The following FGF8 variants were observed in gnomAD, a reference collection of about 807,000 sequenced individuals.
FGF8 encodes androgen-induced growth factor.
FGF8 carries 12 observed loss-of-function variants against 29.7 expected under a neutral mutation model. The ratio of observed to expected loss-of-function variants is 0.40; its 90% CI spans 0.26 to 0.65. FGF8 has a LOEUF of 0.65. Ranked by LOEUF, FGF8 falls within the 30% of genes least tolerant of loss-of-function variation. The pLI, the probability that FGF8 is intolerant of heterozygous loss-of-function variation, is 0.37. For missense variants in FGF8, 271 were observed against 345.1 expected, an observed-to-expected ratio of 0.79 and a Z score of 1.70; for synonymous variants, 157 against 144.4, an observed-to-expected ratio of 1.09 and a Z score of -0.63.
At position 101,775,887 on chromosome 10, in the gene FGF8, C is replaced by G. The variant is rs1170351413; in HGVS notation, c.14G>C (p.Arg5Pro). 1.5e-6 allele frequency: 2 copies of G among 1,351,634 alleles called. No homozygotes were observed. Among genetic ancestry groups the G allele is most frequent in the East Asian group, 3.1e-5 (1 of 31,938 alleles). The allele number at this position is 1,351,634 out of a possible 1,614,324, so 83.7% of individuals were successfully genotyped here. Residue 5 changes from arginine to proline, a missense_variant, in exon 1 of 6, where the codon CGC becomes CCC. This residue lies in a region of FGF8 where 168 missense variants were observed against 207.0 expected (regional missense o/e 0.81). Transcript: ENST00000320185. This position sits in a 1 kb window ranked among gnomAD's most constrained non-coding sequence, Gnocchi z 4.6. MGSP[R>P]SALSCLLLHL... Reference sequence around the variant, plus strand: ...TACTCACAGGCAGCTCAGCGCGGAGCGGGGGCTGCCCATGGCGCGCGGCCC... The same window carrying G: ...TACTCACAGGCAGCTCAGCGCGGAGGGGGGGCTGCCCATGGCGCGCGGCCC...
intron 4 of FGF8, among the ~76,000 whole-genome samples, chr10:101,774,392 T>A (rs1310344601): frequency 6.6e-6 from 1 of 152,220 alleles, no homozygotes; most frequent in African/African-American, 2.4e-5. Flanking sequence ...TTGTGGGCCC[T>A]GGCGACATAT....
chr10:101,779,114 C>G (rs555350391), upstream of FGF8, among the ~76,000 whole-genome samples: 4 of 152,304 alleles, frequency 2.6e-5, no homozygotes, highest in South Asian at 8.3e-4. This position sits in a 1 kb window ranked among gnomAD's most constrained non-coding sequence, Gnocchi z 5.7. Flanking sequence ...CCCAGACACA[C>G]TACTTCAGCC....
chr10:101,777,268 C>T (rs2065106765), upstream of FGF8, among the ~76,000 whole-genome samples: 1 of 152,160 alleles, frequency 6.6e-6, no homozygotes, highest in South Asian at 2.1e-4. Flanking sequence ...CCTGGGTGGA[C>T]AGAGATGCTC....
At chr10:101,779,701 CGCAGGGG>C (rs1455817253), upstream of FGF8, among the ~76,000 whole-genome samples, 2 of 152,034 alleles carry the variant, frequency 1.3e-5, no homozygotes, top group East Asian at 3.9e-4. This position sits in a 1 kb window ranked among gnomAD's most constrained non-coding sequence, Gnocchi z 5.7. Flanking sequence ...GGCGGAGCCG[CGCAGGGG>C]GTAGATGGGT....
At position 101,774,717 on chromosome 10, in the gene FGF8, T is replaced by C. The variant is rs779025548; in HGVS notation, c.337+15A>G. 3.7e-6 allele frequency: 6 copies of C among 1,600,664 alleles called. No homozygotes were observed. The highest frequency in any genetic ancestry group is 2.5e-6 in the Non-Finnish European group (3 of 1,179,048). ...GGCGCCGCGCATCCCACAAGCTACC[T>C]TCAGCGCGCCTTACCGAAGGGGTCG... On this transcript the variant is annotated intron_variant, in intron 4 of 5. Transcript: ENST00000320185.
Position 101,771,354 on chromosome 10 carries a change from C to T in FGF8, c.444+109G>A. On this transcript the variant is annotated intron_variant, in intron 5 of 5. Transcript: ENST00000320185. The surrounding 1 kb of genome is among the most constrained non-coding windows in gnomAD (Gnocchi z 5.3). ...GGTAACCCCAAGATGGCCCTGTGGC[C>T]TTCTGCCTACCTTGTTGGGATCAGA... is the stretch of plus-strand genomic sequence containing the variant. 2.4e-6 allele frequency: 2 copies of T among 828,598 alleles called. No individual in the cohort carries two copies. Among genetic ancestry groups the T allele is most frequent in the Middle Eastern group, 4.7e-4 (2 of 4,252 alleles). The allele number at this position is 828,598 out of a possible 1,614,324, so 51.3% of individuals were successfully genotyped here. A position where few individuals can be genotyped will look rare whatever the true frequency, so the allele number is the denominator to read the frequency against.
At chr10:101,774,175 C>T (rs532641405) in intron 4 of FGF8, among the ~76,000 whole-genome samples, 12 of 152,332 alleles carry the variant, frequency 7.9e-5, no homozygotes, top group African/African-American at 2.4e-4. Flanking sequence ...AGTAGCTCTC[C>T]GCACTTGCCA....
rs757575183 is a variant in FGF8, at chr10:101,770,666, G to A, written c.445-47C>T. 11 of 1,597,296 alleles carry A rather than the reference G, an allele frequency of 6.9e-6. No homozygotes were observed. In the African/African-American group the frequency reaches 1.5e-4, roughly 21 times the overall value. ...ACCACGTTACAGAGCCCCCCCAGCA[G>A]AGGCAGAGGGCGAGCGGCCCCAGAC... On this transcript the variant is annotated intron_variant, in intron 5 of 5. Coordinates refer to ENST00000320185, the MANE Select transcript of FGF8 (RefSeq NM_033163.5).
At position 101,772,401 on chromosome 10, in the gene FGF8, G is replaced by C. The variant is rs1315276987; in HGVS notation, c.338-832C>G. Among the ~76,000 whole-genome samples the C allele has an allele frequency of 6.6e-6, 1 of 152,156 alleles. No individual in the cohort carries two copies. The highest frequency in any genetic ancestry group is 1.5e-5 in the Non-Finnish European group (1 of 68,014). On this transcript the variant is annotated intron_variant, in intron 4 of 5. Coordinates refer to ENST00000320185, the MANE Select transcript of FGF8 (RefSeq NM_033163.5). This position sits in a 1 kb window ranked among gnomAD's most constrained non-coding sequence, Gnocchi z 4.4. ...GGAGGAGGGAGAATCCTGCCTGCTG[G>C]CCTCTTAGACTGGAGGCCAGGAGGC... is the stretch of plus-strand genomic sequence containing the variant.
At chr10:101,776,706 C>T (rs550288096), upstream of FGF8, among the ~76,000 whole-genome samples, 38 of 152,228 alleles carry the variant, frequency 2.5e-4, no homozygotes, top group African/African-American at 8.7e-4. Flanking sequence ...CGGTGCCACC[C>T]GGACCCCGCT....
rs1194673781 is a variant in FGF8, at chr10:101,775,713, C to T, written c.69+27G>A. ...CCGGGTCTCACACCGGCGCGCCCGG[C>T]CCCCGCCTCCGCGCACCCCTCCTCA... On this transcript the variant is annotated intron_variant, in intron 2 of 5. Transcript: ENST00000320185. This position sits in a 1 kb window ranked among gnomAD's most constrained non-coding sequence, Gnocchi z 4.6. 1.9e-6 allele frequency: 3 copies of T among 1,541,136 alleles called. No homozygotes were observed. Among genetic ancestry groups the T allele is most frequent in the African/African-American group, 1.4e-5 (1 of 72,692 alleles).
Position 101,775,304 on chromosome 10 carries a change from G to C in FGF8, c.70-88C>G. The stretch of plus-strand genomic sequence containing the variant: ...GACAAATTTACGGAGCAAATGTTGA[G>C]AGTGCAGGGAACCTGGGCACCCGAT... On this transcript the variant is annotated intron_variant, in intron 2 of 5. Transcript: ENST00000320185. The surrounding 1 kb of genome is among the most constrained non-coding windows in gnomAD (Gnocchi z 4.6). 1.0e-6 allele frequency: 1 copy of C among 973,902 alleles called. No individual in the cohort carries two copies. The highest frequency in any genetic ancestry group is 1.6e-6 in the Non-Finnish European group (1 of 636,100). 60.3% of individuals were successfully genotyped at this position (973,902 alleles called of 1,614,324 possible). A position where few individuals can be genotyped will look rare whatever the true frequency, so the allele number is the denominator to read the frequency against.
At chr10:101,777,503 A>G (rs2065108990), upstream of FGF8, among the ~76,000 whole-genome samples, 1 of 152,206 alleles carries the variant, frequency 6.6e-6, no homozygotes, top group African/African-American at 2.4e-5. Flanking sequence ...CCTGTGCCCC[A>G]TCTTTCCAAC....
chr10:101,770,164 A>C lies in FGF8; in HGVS notation c.*165T>G, dbSNP rs1230329301. The stretch of plus-strand genomic sequence containing the variant: ...TTTAAAAAAAAAAAAAAAAAAAAAA[A>C]CAGCAAAAACCCAACAGCAAACAAT... On this transcript the variant is annotated 3_prime_UTR_variant, in exon 6 of 6. Coordinates refer to ENST00000320185, the MANE Select transcript of FGF8 (RefSeq NM_033163.5). 30 of 537,540 alleles carry C rather than the reference A, an allele frequency of 5.6e-5. No individual in the cohort carries two copies. The Admixed American group carries it at 1.0e-3, about 19-fold the overall frequency. 33.3% of individuals were successfully genotyped at this position (537,540 alleles called of 1,614,324 possible).
Position 101,771,956 on chromosome 10 carries a change from G to A in FGF8, c.338-387C>T, listed in dbSNP as rs993968564. Reference sequence around the variant, plus strand: ...TTCCATAGCTAATCAAAAGATCTCCGAGGATCCTTCCAACTCCAAATATTA... The same window carrying A: ...TTCCATAGCTAATCAAAAGATCTCCAAGGATCCTTCCAACTCCAAATATTA... On this transcript the variant is annotated intron_variant, in intron 4 of 5. Coordinates refer to ENST00000320185, the MANE Select transcript of FGF8 (RefSeq NM_033163.5). This position sits in a 1 kb window ranked among gnomAD's most constrained non-coding sequence, Gnocchi z 5.3. Among the ~76,000 whole-genome samples, 8 of 152,220 alleles carry A rather than the reference G, an allele frequency of 5.3e-5. No homozygotes were observed. The highest frequency in any genetic ancestry group is 1.2e-4 in the African/African-American group (5 of 41,456).
At chr10:101,780,308 G>C (rs1368644435), upstream of FGF8, 1 of 152,312 alleles carries the variant, frequency 6.6e-6, no homozygotes, top group Non-Finnish European at 1.5e-5. Context: ...CGGGCTGGGG[G>C]AGAACCTCCT....
rs952004334 is a variant in FGF8, at chr10:101,775,006, C to A, written c.157-94G>T. On this transcript the variant is annotated intron_variant, in intron 3 of 5. Coordinates refer to ENST00000320185, the MANE Select transcript of FGF8 (RefSeq NM_033163.5). This position sits in a 1 kb window ranked among gnomAD's most constrained non-coding sequence, Gnocchi z 4.6. ...CATCACCCTGCGTCCCCCTCACTGC[C>A]CCAAGCCGCCAGCAGGTGCTGGGGG... 3.9e-6 allele frequency: 6 copies of A among 1,529,074 alleles called. No individual in the cohort carries two copies. Among genetic ancestry groups the A allele is most frequent in the Non-Finnish European group, 5.4e-6 (6 of 1,115,670 alleles). 94.7% of individuals were successfully genotyped at this position (1,529,074 alleles called of 1,614,324 possible).
At position 101,774,876 on chromosome 10, in the gene FGF8, C is replaced by T; in HGVS notation, c.193G>A (p.Val65Met). 1 of 1,614,090 alleles carries T rather than the reference C, an allele frequency of 6.2e-7. No individual in the cohort carries two copies. Among genetic ancestry groups the T allele is most frequent in the Non-Finnish European group, 8.5e-7 (1 of 1,180,034 alleles). Residue 65 changes from valine (V) to methionine (M), a missense_variant, in exon 4 of 6, where the codon GTG (valine) becomes ATG (methionine). By Grantham distance (21) the Val-to-Met change is conservative. Transcript: ENST00000320185. ...TCCGTCACCAGGCTCTGCTCCCTCACATGCTGTGTAAAATTAGGTGAGGAC... is the reference window on the plus strand; with the variant it reads ...TCCGTCACCAGGCTCTGCTCCCTCATATGCTGTGTAAAATTAGGTGAGGAC... ...VQSSPNFTQHVREQSLVTDQL... is the reference protein window; with the variant it reads ...VQSSPNFTQHMREQSLVTDQL...
Position 101,775,637 on chromosome 10 carries a change from CCCGCGCCGG to C in FGF8, c.69+94_69+102del. ...GGGTTTCTAAGGTGCCCTCAGCCCT[CCCGCGCCGG>C]CCGCAGAGTCAGTCCCGGTGCCCCC... On this transcript the variant is annotated intron_variant, in intron 2 of 5. Transcript: ENST00000320185. This position sits in a 1 kb window ranked among gnomAD's most constrained non-coding sequence, Gnocchi z 4.6. The C allele has an allele frequency of 7.2e-7, 1 of 1,380,894 alleles. No homozygotes were observed. Among genetic ancestry groups the C allele is most frequent in the Non-Finnish European group, 9.8e-7 (1 of 1,017,982 alleles). 85.5% of individuals were successfully genotyped at this position (1,380,894 alleles called of 1,614,324 possible).
Sources: gnomAD v4.1 joint callset for allele counts (sites outside exome capture counted in the v4.1 genomes callset) on GRCh38, gnomAD v4.1.1 for gene constraint, gnomAD v4.1.1 regional missense constraint, Gnocchi (gnomAD v3.1) non-coding constraint, MANE v1.5 for transcripts, NCBI Gene and HGNC (gene_info 2026-07-23, HGNC 2026-07-21) for gene names.